NOC4L: variants seen among roughly 807,000 people sequenced by gnomAD.
NOC4L encodes nucleolar complex protein 4 homolog.
Under a neutral mutation model 62.8 loss-of-function variants are expected in NOC4L, and 40 were observed. That is an observed-to-expected ratio of 0.64 (90% confidence interval 0.49 to 0.83). The LOEUF is 0.83. Among genes scored for constraint, NOC4L ranks in the 40% least tolerant of loss-of-function variants. The pLI is 0.00. For missense variants in NOC4L, 927 were observed against 701.9 expected, an observed-to-expected ratio of 1.32 and a Z score of -3.62; for synonymous variants, 433 against 299.8, an observed-to-expected ratio of 1.44 and a Z score of -4.59.
In NOC4L at chr12:132,148,080, G is replaced by A; in HGVS notation, c.712G>A (p.Asp238Asn). 2 of 1,613,514 alleles carry A rather than the reference G, an allele frequency of 1.2e-6. No individual in the cohort carries two copies. The highest frequency in any genetic ancestry group is 1.7e-6 in the Non-Finnish European group (2 of 1,179,994). Reference protein sequence around the residue: ...SFYVKRAELWDTWKVAHLKEH... With the variant: ...SFYVKRAELWNTWKVAHLKEH... ...CCTCGCTTTCCCTGCAGAGCTGTGG[G>A]ACACCTGGAAGGTTGCTCACCTGAA... The change falls in exon 7 of 15, where the codon GAC (aspartate) becomes AAC (asparagine). Residue 238 changes from aspartate (D) to asparagine (N), a missense_variant. Transcript: ENST00000330579.
In NOC4L at chr12:132,152,115, C is replaced by G; in HGVS notation, c.1349C>G (p.Ser450Cys). The G allele has an allele frequency of 6.2e-7, 1 of 1,604,980 alleles. No homozygotes were observed. Among genetic ancestry groups the G allele is most frequent in the Non-Finnish European group, 8.5e-7 (1 of 1,175,766 alleles). Reference protein sequence around the residue: ...ALQRHYHPEVSKAASVINQAL... With the variant: ...ALQRHYHPEVCKAASVINQAL... ...CAGCGCCACTACCACCCTGAGGTGT[C>G]CAAAGCCGCCAGCGTCATCAACCAG... The change falls in exon 14 of 15, where the codon TCC becomes TGC. Residue 450 changes from serine (S) to cysteine (C), a missense_variant. Physicochemically the swap from Ser to Cys is moderately radical, Grantham distance 112. Transcript: ENST00000330579.
At chr12:132,147,085 G>C (rs1200315959) in intron 3 of NOC4L, among the ~76,000 whole-genome samples, 196 bp from the exon 4 acceptor site, 3 of 152,222 alleles carry the variant, frequency 2.0e-5, no homozygotes, top group African/African-American at 7.2e-5. Context: ...TTTAACTAGA[G>C]ATCTTGTCAT....
chr12:132,148,735 C>CCCCCCGGGGGGGGGGGGGG, intron 8 of NOC4L, 49 bp from the exon 9 acceptor site: 1 of 1,309,290 alleles, frequency 7.6e-7, no homozygotes, highest in Non-Finnish European at 1.0e-6. Context: ...CCCGACCCGC[C>CCCCCCGGGGGGGGGGGGGG]GGCCCCCGCC....
chr12:132,148,751 G>A lies in NOC4L; in HGVS notation c.790-33G>A, dbSNP rs747180670. On this transcript the variant is annotated intron_variant, in intron 8 of 14. Coordinates refer to ENST00000330579, the MANE Select transcript of NOC4L (RefSeq NM_024078.3). ...CCGACCCGCCGGCCCCCGCCCACCC[G>A]CCCCTCACCCCCACCTGCCGGCCCC... is the stretch of plus-strand genomic sequence containing the variant. 1.1e-4 allele frequency: 89 copies of A among 825,544 alleles called. No individual in the cohort carries two copies. In the South Asian group the frequency reaches 3.1e-3, roughly 28 times the overall value. The allele number at this position is 825,544 out of a possible 1,614,324, so 51.1% of individuals were successfully genotyped here. A position where few individuals can be genotyped will look rare whatever the true frequency, so the allele number is the denominator to read the frequency against.
At chr12:132,152,261 G>T (rs140035212) in intron 14 of NOC4L, 21 bp from the exon 15 acceptor site, 2 of 1,583,190 alleles carry the variant, frequency 1.3e-6, no homozygotes, top group African/African-American at 1.3e-5. Context: ...CCTGAGAGCC[G>T]CCGTGCTTTG....
In NOC4L at chr12:132,146,139, T is replaced by A. The variant is rs938542452; in HGVS notation, c.345+474T>A. ...GCCCCGAAAAGAAATCCTGTACCAG[T>A]TACCATCGCTTCCATATCCCGCCCC... is the stretch of plus-strand genomic sequence containing the variant. On this transcript the variant is annotated intron_variant, in intron 3 of 14. Coordinates refer to ENST00000330579, the MANE Select transcript of NOC4L (RefSeq NM_024078.3). 3 of 427,860 alleles carry A rather than the reference T, an allele frequency of 7.0e-6. No homozygotes were observed. The Admixed American group carries it at 7.4e-5, about 10-fold the overall frequency. The allele number at this position is 427,860 out of a possible 1,614,324, so 26.5% of individuals were successfully genotyped here.
rs145496738 is a variant in NOC4L at position 132,145,711 on chromosome 12, A to C, written c.345+46A>C. ...CATCCTTGTCCATCCCCTGCACCCC[A>C]ACTCCCAGGTTATCCACAAAGCAGA... On this transcript the variant is annotated intron_variant, in intron 3 of 14. Transcript: ENST00000330579. 1.8e-3 allele frequency: 2,408 copies of C among 1,341,930 alleles called. 26 individuals are homozygous for C. The African/African-American group carries it at 0.031, about 17-fold the overall frequency. The allele number at this position is 1,341,930 out of a possible 1,614,324, so 83.1% of individuals were successfully genotyped here.
chr12:132,150,844 A>G, intron 9 of NOC4L, 137 bp from the exon 10 acceptor site: 1 of 664,810 alleles, frequency 1.5e-6, no homozygotes, highest in Non-Finnish European at 2.6e-6. Flanking sequence ...TGTGGTCTCC[A>G]GCTTTGTGTC....
chr12:132,152,343 C>T lies in NOC4L; in HGVS notation c.1493C>T (p.Ala498Val), dbSNP rs370707521. The T allele has an allele frequency of 6.4e-7, 1 of 1,570,022 alleles. No individual in the cohort carries two copies. The highest frequency in any genetic ancestry group is 2.4e-5 in the East Asian group (1 of 42,298). Reference sequence around the variant, plus strand: ...CCGGTGCCACTGGAGTTTATCCCAGCCCAGGGCCTGCTGGGACGGCCGGGT... The same window carrying T: ...CCGGTGCCACTGGAGTTTATCCCAGTCCAGGGCCTGCTGGGACGGCCGGGT... Reference protein sequence around the residue: ...PEPVPLEFIPAQGLLGRPGEL... With the variant: ...PEPVPLEFIPVQGLLGRPGEL... Residue 498 changes from alanine to valine, a missense_variant, in exon 15 of 15, where the codon GCC becomes GTC. Coordinates refer to ENST00000330579, the MANE Select transcript of NOC4L (RefSeq NM_024078.3).
intron 9 of NOC4L, 40 bp from the exon 10 acceptor site, chr12:132,150,941 G>C (rs375247067): frequency 2.7e-6 from 4 of 1,492,342 alleles, no homozygotes; most frequent in South Asian, 1.2e-5. Flanking sequence ...GGGTGGGAGC[G>C]AGGTCACTGC....
Position 132,151,462 on chromosome 12 carries a change from T to TCACAACCACTGCCCTGCCC in NOC4L, c.1074-21_1074-3dup, listed in dbSNP as rs749220320. ...GGGGGCTAGCAGTCCGGGCCCTGTC[T>TCACAACCACTGCCCTGCCC]CACAACCACTGCCCTGCCCAGCCAC... On this transcript the variant is annotated intron_variant, in intron 11 of 14. Coordinates refer to ENST00000330579, the MANE Select transcript of NOC4L (RefSeq NM_024078.3). The TCACAACCACTGCCCTGCCC allele has an allele frequency of 4.4e-6, 7 of 1,599,844 alleles. No homozygotes were observed. The Admixed American group carries it at 1.2e-4, about 27-fold the overall frequency.
At chr12:132,150,898 C>T in intron 9 of NOC4L, 83 bp from the exon 10 acceptor site, 1 of 1,036,300 alleles carries the variant, frequency 9.6e-7, no homozygotes, top group Non-Finnish European at 1.4e-6. Context: ...AGGCCACACT[C>T]CACAGACTTA....
At chr12:132,145,092 C>A in intron 2 of NOC4L, 118 bp downstream of exon 2, 1 of 1,359,204 alleles carries the variant, frequency 7.4e-7, no homozygotes, top group East Asian at 2.5e-5. Context: ...GGTGGGAGGA[C>A]GCACCAAGCC....
chr12:132,148,728 G>GC, intron 8 of NOC4L, 56 bp from the exon 9 acceptor site: 2 of 245,378 alleles, frequency 8.2e-6, no homozygotes, highest in Non-Finnish European at 1.2e-5. Context: ...GCCTCACCCC[G>GC]ACCCGCCGGC....
chr12:132,151,299 A>T lies in NOC4L; in HGVS notation c.1004A>T (p.Asp335Val), dbSNP rs987528107. ...TACCGGAAGCTCTACGGCCTCTTGGACCCCTCTGTCTTTCACGTCAAGTAC... is the reference window on the plus strand; with the variant it reads ...TACCGGAAGCTCTACGGCCTCTTGGTCCCCTCTGTCTTTCACGTCAAGTAC... Reference protein sequence around the residue: ...DFYRKLYGLLDPSVFHVKYRA... With the variant: ...DFYRKLYGLLVPSVFHVKYRA... The change falls in exon 11 of 15, where the codon GAC becomes GTC. Residue 335 changes from aspartate (D) to valine (V), a missense_variant. By Grantham distance (152) the Asp-to-Val change is radical. Transcript: ENST00000330579. 1.9e-6 allele frequency: 3 copies of T among 1,611,458 alleles called. No homozygotes were observed. Among genetic ancestry groups the T allele is most frequent in the Non-Finnish European group, 2.5e-6 (3 of 1,179,806 alleles).
intron 7 of NOC4L, 40 bp from the exon 8 acceptor site, chr12:132,148,558 CTCTGGTCTGGG>C: frequency 6.5e-7 from 1 of 1,544,820 alleles, no homozygotes; most frequent in East Asian, 2.5e-5. Flanking sequence ...GCTGCTCGGG[CTCTGGTCTGGG>C]GTGGGGAGGG....
intron 7 of NOC4L, 54 bp from the exon 8 acceptor site, chr12:132,148,555 G>A (rs1593429291): frequency 1.1e-5 from 17 of 1,544,248 alleles, no homozygotes; most frequent in South Asian, 4.8e-5. Flanking sequence ...GCAGCTGCTC[G>A]GGCTCTGGTC....
In NOC4L at chr12:132,144,513, G is replaced by A. The variant is rs748874647; in HGVS notation, c.25G>A (p.Gly9Arg). The change falls in exon 1 of 15, where the codon GGA becomes AGA. Residue 9 changes from glycine to arginine, a missense_variant. Transcript: ENST00000330579. ...CATGGAGCGGGAGCCGGGCGCCGCGGGAGTTCGCCGGGCTCTGGGCCGCCG... is the reference window on the plus strand; with the variant it reads ...CATGGAGCGGGAGCCGGGCGCCGCGAGAGTTCGCCGGGCTCTGGGCCGCCG... The part of the protein sequence containing the change: MEREPGAA[G>R]VRRALGRRLE... 9 of 1,518,674 alleles carry A rather than the reference G, an allele frequency of 5.9e-6. No homozygotes were observed. The South Asian group carries it at 8.5e-5, about 14-fold the overall frequency. 94.1% of individuals were successfully genotyped at this position (1,518,674 alleles called of 1,614,324 possible). A position where few individuals can be genotyped will look rare whatever the true frequency, so the allele number is the denominator to read the frequency against.
intron 2 of NOC4L, among the ~76,000 whole-genome samples, chr12:132,145,234 A>G (rs1029479644): frequency 6.6e-6 from 1 of 152,124 alleles, no homozygotes; most frequent in Non-Finnish European, 1.5e-5. Flanking sequence ...ATGTTGACTG[A>G]TCCTGACACG....
Sources: allele counts gnomAD v4.1 joint callset (sites outside exome capture counted in the v4.1 genomes callset), GRCh38; gene constraint gnomAD v4.1.1; transcripts MANE v1.5; gene names NCBI Gene and HGNC (gene_info 2026-07-23, HGNC 2026-07-21).